Variants in SCAPER observed in about 807,000 individuals in gnomAD.
SCAPER encodes S phase cyclin A-associated protein in the endoplasmic reticulum.
SCAPER carries 98 observed loss-of-function variants against 182.2 expected under a neutral mutation model. The ratio of observed to expected loss-of-function variants is 0.54; its 90% CI spans 0.46 to 0.64. The LOEUF is 0.64. Ranked by LOEUF, SCAPER falls within the 30% of genes least tolerant of loss-of-function variation. The probability of loss-of-function intolerance (pLI) is 0.00; values close to 1 mark genes in which losing one functional copy is unlikely to be tolerated. For missense variants in SCAPER, 1,432 were observed against 1,690.0 expected (o/e 0.85, Z 2.68); for synonymous variants, 605 against 564.6 (o/e 1.07, Z -1.01).
At chr15:76,536,168 G>A (rs962721445) in intron 23 of SCAPER, among the ~76,000 whole-genome samples, 1 of 152,128 alleles carries the variant, frequency 6.6e-6, no homozygotes, top group Admixed American at 6.5e-5. Context: ...AATATCTCAT[G>A]TATGCAATAA....
intron 20 of SCAPER, among the ~76,000 whole-genome samples, chr15:76,681,562 G>C (rs1567784491): frequency 6.6e-6 from 1 of 152,162 alleles, no homozygotes; most frequent in Non-Finnish European, 1.5e-5. Context: ...AGCAGCGAGA[G>C]TGAACAGAAG....
chr15:76,556,015 A>C (rs1011447381), intron 23 of SCAPER, among the ~76,000 whole-genome samples: 2 of 152,192 alleles, frequency 1.3e-5, no homozygotes, highest in African/African-American at 4.8e-5. Flanking sequence ...AAAAAATCCC[A>C]AAATCATACT....
intron 31 of SCAPER, 109 bp from the exon 32 acceptor site, chr15:76,348,845 C>T: frequency 1.6e-6 from 1 of 635,710 alleles, no homozygotes; most frequent in Non-Finnish European, 2.7e-6. Flanking sequence ...GAGATATCCA[C>T]TTCAAATAAA....
chr15:76,562,768 A>T (rs1344035915), intron 23 of SCAPER, among the ~76,000 whole-genome samples: 1 of 152,234 alleles, frequency 6.6e-6, no homozygotes, highest in Non-Finnish European at 1.5e-5. Context: ...TCTGCTTGCT[A>T]GAGAAATTTT....
At chr15:76,667,433 A>G in intron 20 of SCAPER, among the ~76,000 whole-genome samples, 1 of 152,042 alleles carries the variant, frequency 6.6e-6, no homozygotes, top group South Asian at 2.1e-4. Context: ...CACCTAATGC[A>G]GTAACTTGAA....
At chr15:76,595,182 GTC>G (rs2049400417) in intron 22 of SCAPER, among the ~76,000 whole-genome samples, 1 of 121,610 alleles carries the variant, frequency 8.2e-6, no homozygotes, top group African/African-American at 2.5e-5. Flanking sequence ...TGCAGTCCTA[GTC>G]TCTGATAAAA....
intron 21 of SCAPER, among the ~76,000 whole-genome samples, chr15:76,637,405 A>C (rs1046900808): frequency 6.6e-6 from 1 of 152,056 alleles, no homozygotes; most frequent in African/African-American, 2.4e-5. Context: ...CATTCTTGTT[A>C]CCGTCTTTTT....
chr15:76,896,773 A>G (rs1267489480), intron 1 of SCAPER, among the ~76,000 whole-genome samples: 1 of 152,028 alleles, frequency 6.6e-6, no homozygotes, highest in Non-Finnish European at 1.5e-5. Flanking sequence ...AAATAATACC[A>G]GCAATCCAAC....
chr15:76,427,624 C>A (rs1298681287), intron 26 of SCAPER, among the ~76,000 whole-genome samples: 1 of 151,970 alleles, frequency 6.6e-6, no homozygotes, highest in East Asian at 1.9e-4. Context: ...GGTGGGAGGA[C>A]TGCTTGAGCC....
At chr15:76,442,796 A>C (rs1431770249) in intron 25 of SCAPER, among the ~76,000 whole-genome samples, 1 of 152,210 alleles carries the variant, frequency 6.6e-6, no homozygotes, top group African/African-American at 2.4e-5. Context: ...ATGTTAGGTG[A>C]TATACCCTAA....
intron 23 of SCAPER, among the ~76,000 whole-genome samples, chr15:76,545,983 G>C (rs546211067): frequency 1.3e-5 from 2 of 152,264 alleles, no homozygotes; most frequent in Admixed American, 1.3e-4. Flanking sequence ...AGGGCAGGGA[G>C]AAACTGAAGT....
intron 5 of SCAPER, among the ~76,000 whole-genome samples, chr15:76,830,849 G>A (rs895045432): frequency 1.3e-5 from 2 of 151,874 alleles, no homozygotes; most frequent in Admixed American, 1.3e-4. Flanking sequence ...AGAAGGCATT[G>A]AGAGTGGATA....
intron 21 of SCAPER, among the ~76,000 whole-genome samples, chr15:76,622,302 T>C (rs2052157272): frequency 6.6e-6 from 1 of 151,980 alleles, no homozygotes; most frequent in Admixed American, 6.6e-5. Context: ...AAGAGGAAAA[T>C]GCCAATTTAA....
rs546369740 is a variant in SCAPER at position 76,527,753 on chromosome 15, T to C, written c.2839-22779A>G. Among the ~76,000 whole-genome samples, 3 of 152,344 alleles carry C rather than the reference T, an allele frequency of 2.0e-5. No homozygotes were observed. The East Asian group carries it at 5.8e-4, about 29-fold the overall frequency. On this transcript the variant is annotated intron_variant, in intron 23 of 31. Coordinates refer to ENST00000563290, the MANE Select transcript of SCAPER (RefSeq NM_020843.4). ...TTCTGCTAATTTTACTATTTGGTGT[T>C]TATATTCACTCTATTTCTAGTCCAT...
At chr15:76,404,167 G>C (rs1016591635) in intron 27 of SCAPER, among the ~76,000 whole-genome samples, 1 of 151,778 alleles carries the variant, frequency 6.6e-6, no homozygotes, top group East Asian at 1.9e-4. Context: ...TACTGTGTAG[G>C]GCTGACGGCT....
intron 21 of SCAPER, among the ~76,000 whole-genome samples, chr15:76,649,982 T>C (rs926135778): frequency 1.8e-4 from 27 of 152,080 alleles, no homozygotes; most frequent in African/African-American, 6.5e-4. Flanking sequence ...AACTGAAAGA[T>C]TGGAACAAAA....
At chr15:76,488,129 A>G (rs2051842442) in intron 24 of SCAPER, among the ~76,000 whole-genome samples, 1 of 152,168 alleles carries the variant, frequency 6.6e-6, no homozygotes, top group African/African-American at 2.4e-5. Context: ...TATGTTTTAT[A>G]TAACAGCTCA....
At chr15:76,806,437 T>C (rs1036562502) in intron 5 of SCAPER, among the ~76,000 whole-genome samples, 6 of 152,230 alleles carry the variant, frequency 3.9e-5, no homozygotes, top group Admixed American at 3.3e-4. Flanking sequence ...AATTTGATTA[T>C]TGTGGTTTTG....
At chr15:76,457,640 T>C (rs1175118495) in intron 25 of SCAPER, among the ~76,000 whole-genome samples, 2 of 152,156 alleles carry the variant, frequency 1.3e-5, no homozygotes, top group Admixed American at 1.3e-4. Flanking sequence ...GTGTAAAGTG[T>C]AGAAAGCTTG....
Sources: gnomAD v4.1 joint callset for allele counts (sites outside exome capture counted in the v4.1 genomes callset) on GRCh38, gnomAD v4.1.1 for gene constraint, MANE v1.5 for transcripts, NCBI Gene and HGNC (gene_info 2026-07-23, HGNC 2026-07-21) for gene names.